The following ACYP2 variants were observed in gnomAD, a reference collection of about 807,000 sequenced individuals.
ACYP2 encodes the protein acylphosphatase-2.
ACYP2 carries 12 observed loss-of-function variants against 11.2 expected under a neutral mutation model. That is an observed-to-expected ratio of 1.08 (90% CI 0.69 to 1.74). The LOEUF (loss-of-function observed/expected upper bound fraction) is 1.74. ACYP2 is among the 40% of genes most tolerant of loss of function. The probability of loss-of-function intolerance (pLI) is 0.00; values close to 1 mark genes in which losing one functional copy is unlikely to be tolerated. For synonymous variants in ACYP2, 43 were observed against 32.2 expected, an observed-to-expected ratio of 1.33 and a Z score of -1.13; for missense variants, 134 against 101.9, an observed-to-expected ratio of 1.31 and a Z score of -1.35.
rs181033954 is a variant in ACYP2, at chr2:54,053,654, C to T, written c.155+2604C>T. On this transcript the variant is annotated intron_variant, in intron 3 of 6. Coordinates refer to ENST00000607452, the MANE Select transcript of ACYP2 (RefSeq NM_001320586.2). Reference sequence around the variant, plus strand: ...CTCTGGGCTGTGCAACTTAGGAACTCCTCTGCCACCAAGTAGATTGTGACC... The same window carrying T: ...CTCTGGGCTGTGCAACTTAGGAACTTCTCTGCCACCAAGTAGATTGTGACC... Among the ~76,000 whole-genome samples, 9 of 152,306 alleles carry T rather than the reference C, an allele frequency of 5.9e-5. No individual in the cohort carries two copies. In the East Asian group the frequency reaches 1.5e-3, roughly 26 times the overall value.
chr2:54,222,048 C>G (rs140103228), intron 6 of ACYP2, among the ~76,000 whole-genome samples: 1 of 152,196 alleles, frequency 6.6e-6, no homozygotes, highest in East Asian at 1.9e-4. Context: ...TTTATTGAGC[C>G]CTTACCATAT....
intron 2 of ACYP2, among the ~76,000 whole-genome samples, chr2:53,982,605 A>G (rs762161633): frequency 2.6e-5 from 4 of 152,292 alleles, no homozygotes; most frequent in South Asian, 2.1e-4. Context: ...CTAGAATTCA[A>G]TCGCTCATCC....
intron 6 of ACYP2, among the ~76,000 whole-genome samples, chr2:54,288,961 C>T (rs1277169900): frequency 6.6e-6 from 1 of 151,976 alleles, no homozygotes; most frequent in Non-Finnish European, 1.5e-5. Context: ...TCTGCGACCC[C>T]AAGCTTTTAA....
chr2:54,091,159 C>G (rs2103681662), intron 4 of ACYP2, among the ~76,000 whole-genome samples: 1 of 152,146 alleles, frequency 6.6e-6, no homozygotes, highest in South Asian at 2.1e-4. Flanking sequence ...CAAAGCAGCT[C>G]AAAGGAGTAT....
chr2:54,126,085 A>AAAAT (rs892659109), intron 4 of ACYP2, among the ~76,000 whole-genome samples: 1 of 152,216 alleles, frequency 6.6e-6, no homozygotes, highest in Non-Finnish European at 1.5e-5. Context: ...CGACTCAAAA[A>AAAAT]AAATAAATAA....
chr2:53,982,278 A>G (rs918947692), intron 2 of ACYP2, among the ~76,000 whole-genome samples: 2 of 152,206 alleles, frequency 1.3e-5, no homozygotes, highest in African/African-American at 4.8e-5. Flanking sequence ...AAATGCTACT[A>G]TTTCCAATCT....
chr2:54,221,659 T>G (rs2103951021), intron 6 of ACYP2, among the ~76,000 whole-genome samples: 1 of 151,970 alleles, frequency 6.6e-6, no homozygotes, highest in East Asian at 1.9e-4. Context: ...TAGGTGGGAT[T>G]ACAGGTGTGT....
At chr2:54,243,598 G>C (rs1233675779) in intron 6 of ACYP2, among the ~76,000 whole-genome samples, 3 of 152,016 alleles carry the variant, frequency 2.0e-5, no homozygotes, top group Non-Finnish European at 2.9e-5. Context: ...AGGTTCAAGT[G>C]ATTCTCCTGC....
intron 2 of ACYP2, among the ~76,000 whole-genome samples, chr2:54,006,551 A>G (rs984483234): frequency 2.6e-5 from 4 of 152,118 alleles, no homozygotes; most frequent in African/African-American, 9.7e-5. Context: ...GGCCCTCCAA[A>G]GTGCTGAGAT....
At chr2:54,022,529 G>C (rs182975029) in intron 2 of ACYP2, among the ~76,000 whole-genome samples, 137 of 152,040 alleles carry the variant, frequency 9.0e-4, no homozygotes, top group African/African-American at 3.1e-3. Flanking sequence ...GTATAGGCAG[G>C]TGTCACCATG....
At chr2:54,060,788 G>A (rs914623575) in intron 4 of ACYP2, among the ~76,000 whole-genome samples, 1 of 152,152 alleles carries the variant, frequency 6.6e-6, no homozygotes, top group Non-Finnish European at 1.5e-5. Context: ...AGAGTAAAGT[G>A]CTTGGCTGCT....
At chr2:54,127,733 AC>A in intron 4 of ACYP2, among the ~76,000 whole-genome samples, 1 of 136,752 alleles carries the variant, frequency 7.3e-6, no homozygotes, top group East Asian at 2.1e-4. Context: ...AGCCTGGGCA[AC>A]AGAGCGAGAC....
intron 6 of ACYP2, among the ~76,000 whole-genome samples, chr2:54,147,443 T>A (rs903561461): frequency 6.6e-6 from 1 of 152,184 alleles, no homozygotes; most frequent in African/African-American, 2.4e-5. Context: ...GTAAGCTGAC[T>A]TGCTTCTCAT....
At chr2:54,035,715 A>G (rs879465421) in intron 2 of ACYP2, among the ~76,000 whole-genome samples, 2 of 152,210 alleles carry the variant, frequency 1.3e-5, no homozygotes, top group Non-Finnish European at 2.9e-5. Context: ...ATTTTCGGTT[A>G]TAGAAGAGAG....
intron 4 of ACYP2, 173 bp from the exon 1 acceptor site, chr2:54,115,442 C>G (rs942363318): frequency 2.4e-6 from 2 of 838,342 alleles, no homozygotes; most frequent in Non-Finnish European, 3.5e-6. Flanking sequence ...GCATCCTCCC[C>G]AGTCCGGGAA....
At chr2:54,238,180 CTT>C (rs1440206295) in intron 6 of ACYP2, among the ~76,000 whole-genome samples, 1 of 152,162 alleles carries the variant, frequency 6.6e-6, no homozygotes, top group Non-Finnish European at 1.5e-5. Context: ...TTCTCTAACT[CTT>C]TACCTGGTTT....
chr2:54,242,787 C>T (rs1390277802), intron 6 of ACYP2, among the ~76,000 whole-genome samples: 3 of 152,212 alleles, frequency 2.0e-5, no homozygotes, highest in African/African-American at 4.8e-5. Flanking sequence ...TACCACATAT[C>T]CTAGGTGGGT....
chr2:54,239,094 C>T (rs1048515666), intron 6 of ACYP2, among the ~76,000 whole-genome samples: 4 of 152,050 alleles, frequency 2.6e-5, no homozygotes, highest in Non-Finnish European at 5.9e-5. Context: ...AATGTGTATT[C>T]GTCATAGCTG....
intron 4 of ACYP2, among the ~76,000 whole-genome samples, chr2:54,090,495 G>A (rs1001172757): frequency 2.0e-5 from 3 of 152,198 alleles, no homozygotes; most frequent in African/African-American, 7.2e-5. Flanking sequence ...GCTGGGCGGG[G>A]TGGCGTGCGC....
Sources: gnomAD v4.1 joint callset for allele counts (sites outside exome capture counted in the v4.1 genomes callset) on GRCh38, gnomAD v4.1.1 for gene constraint, MANE v1.5 for transcripts, NCBI Gene and HGNC (gene_info 2026-07-23, HGNC 2026-07-21) for gene names.